SLC30A7: variants seen among roughly 807,000 people sequenced by gnomAD.
SLC30A7 encodes solute carrier family 30 member 7, also known as zinc transporter 7.
In SLC30A7, 35 loss-of-function variants were observed where a neutral mutation model predicts 46.0. The observed-to-expected ratio is 0.76, with a 90% CI of 0.58 to 1.01. The LOEUF (loss-of-function observed/expected upper bound fraction) is 1.01, where lower values mean the gene tolerates loss of function less well. Ranked by LOEUF, SLC30A7 falls within the 50% of genes least tolerant of loss-of-function variation. SLC30A7 has a pLI of 0.00. For synonymous variants in SLC30A7, 147 were observed against 157.8 expected, an observed-to-expected ratio of 0.93 and a Z score of 0.51; for missense variants, 464 against 451.1, an observed-to-expected ratio of 1.03 and a Z score of -0.26.
At position 100,974,936 on chromosome 1, in the gene SLC30A7, T is replaced by C. The variant is rs1656378572; in HGVS notation, c.*79T>C. The stretch of plus-strand genomic sequence containing the variant: ...CGATCCAAAACATTGTACCCAGCTT[T>C]TTAAAAGAGAGAAATTATCACTACA... On this transcript the variant is annotated 3_prime_UTR_variant, in exon 11 of 11. Coordinates refer to ENST00000357650, the MANE Select transcript of SLC30A7 (RefSeq NM_133496.5). 1.7e-6 allele frequency: 2 copies of C among 1,211,962 alleles called. No homozygotes were observed. The allele number at this position is 1,211,962 out of a possible 1,614,324, so 75.1% of individuals were successfully genotyped here. A position where few individuals can be genotyped will look rare whatever the true frequency, so the allele number is the denominator to read the frequency against.
At chr1:100,948,769 T>G (rs903031410) in intron 8 of SLC30A7, among the ~76,000 whole-genome samples, 2 of 152,182 alleles carry the variant, frequency 1.3e-5, no homozygotes, top group African/African-American at 4.8e-5. Flanking sequence ...CTTGTCTTCT[T>G]GCTTTATTTC....
At chr1:100,904,658 C>G (rs190888559) in intron 2 of SLC30A7, among the ~76,000 whole-genome samples, 1 of 152,182 alleles carries the variant, frequency 6.6e-6, no homozygotes, top group Non-Finnish European at 1.5e-5. Context: ...CCTTGTCTGT[C>G]AGACCACTAG....
At chr1:100,954,979 A>G (rs1240401986) in intron 8 of SLC30A7, among the ~76,000 whole-genome samples, 1 of 152,034 alleles carries the variant, frequency 6.6e-6, no homozygotes, top group Non-Finnish European at 1.5e-5. Context: ...TGTAGATTGT[A>G]AGAACCCCTA....
the SLC30A7 span, chr1:100,992,758 G>C: frequency 6.4e-7 from 1 of 1,560,768 alleles, no homozygotes; most frequent in South Asian, 1.1e-5. Flanking sequence ...CAGAAAACTA[G>C]ATGCCACTGT....
At chr1:100,918,033 T>G in intron 6 of SLC30A7, 44 bp from the exon 7 acceptor site, 1 of 1,524,512 alleles carries the variant, frequency 6.6e-7, no homozygotes. Context: ...AAAACTTGAA[T>G]GAGGAATTGA....
chr1:100,959,790 A>G (rs1655435382), intron 8 of SLC30A7, among the ~76,000 whole-genome samples: 1 of 152,200 alleles, frequency 6.6e-6, no homozygotes, highest in African/African-American at 2.4e-5. Context: ...AACTTTACAT[A>G]GGGCATGAAT....
chr1:100,901,944 A>C (rs1476642009), intron 2 of SLC30A7, among the ~76,000 whole-genome samples: 2 of 137,958 alleles, frequency 1.4e-5, no homozygotes, highest in East Asian at 4.3e-4. Context: ...TGCTACCTTT[A>C]TTTTTTAAGG....
intron 8 of SLC30A7, among the ~76,000 whole-genome samples, chr1:100,925,214 T>TGGTAA (rs1452416357): frequency 6.6e-6 from 1 of 152,218 alleles, no homozygotes; most frequent in Non-Finnish European, 1.5e-5. Flanking sequence ...AAAAGCCTTG[T>TGGTAA]GGTAAAAGCA....
At chr1:100,970,344 T>C (rs1205495487) in intron 10 of SLC30A7, among the ~76,000 whole-genome samples, 1 of 152,148 alleles carries the variant, frequency 6.6e-6, no homozygotes, top group Non-Finnish European at 1.5e-5. Flanking sequence ...GAATTATAAC[T>C]TTCTATTTGG....
chr1:100,903,726 G>A (rs116765800), intron 2 of SLC30A7, among the ~76,000 whole-genome samples: 1 of 151,956 alleles, frequency 6.6e-6, no homozygotes, highest in Admixed American at 6.6e-5. Context: ...ATAAATTATT[G>A]TGCTTTTTCT....
chr1:100,941,053 G>T, intron 8 of SLC30A7: 1 of 326,588 alleles, frequency 3.1e-6, no homozygotes, highest in South Asian at 3.1e-5. Context: ...GCAGCTATTG[G>T]AACTGCCACA....
intron 6 of SLC30A7, among the ~76,000 whole-genome samples, chr1:100,916,379 G>A (rs2101025400): frequency 6.6e-6 from 1 of 152,142 alleles, no homozygotes; most frequent in South Asian, 2.1e-4. Context: ...TAGAGACGAG[G>A]TTTCACCGTG....
chr1:100,940,997 CT>C, intron 8 of SLC30A7: 1 of 366,870 alleles, frequency 2.7e-6, no homozygotes, highest in African/African-American at 2.1e-5. Context: ...TCCTGCTAAA[CT>C]TTATTTCCTA....
chr1:100,915,176 T>C (rs995975485), intron 6 of SLC30A7, among the ~76,000 whole-genome samples: 25 of 83,768 alleles, frequency 3.0e-4, no homozygotes, highest in African/African-American at 7.1e-4. Flanking sequence ...CTTTTCTTTT[T>C]TCTTTTCTTT....
At chr1:100,916,180 ATTAT>A (rs954806242) in intron 6 of SLC30A7, among the ~76,000 whole-genome samples, 30 of 150,386 alleles carry the variant, frequency 2.0e-4, no homozygotes, top group African/African-American at 7.1e-4. Context: ...GTATATTCTT[ATTAT>A]TTATTTATTT....
At chr1:100,947,204 T>C (rs575795209) in intron 8 of SLC30A7, among the ~76,000 whole-genome samples, 14 of 152,320 alleles carry the variant, frequency 9.2e-5, no homozygotes, top group African/African-American at 3.1e-4. Flanking sequence ...AGTGCTATAA[T>C]TTTCCCACTG....
chr1:100,900,880 A>G (rs1651264063), intron 2 of SLC30A7, among the ~76,000 whole-genome samples: 1 of 152,216 alleles, frequency 6.6e-6, no homozygotes, highest in Non-Finnish European at 1.5e-5. Context: ...CTTAGTTACC[A>G]ATAGACCTTT....
rs1021351603 is a variant in SLC30A7 at position 100,912,131 on chromosome 1, A to C, written c.404A>C (p.Asp135Ala). 2 of 1,613,656 alleles carry C rather than the reference A, an allele frequency of 1.2e-6. No individual in the cohort carries two copies. The highest frequency in any genetic ancestry group is 1.7e-6 in the Non-Finnish European group (2 of 1,179,734). The change falls in exon 5 of 11, where the codon GAT becomes GCT. Residue 135 changes from aspartate to alanine, a missense_variant. Physicochemically the swap from Asp to Ala is moderately radical, Grantham distance 126. Transcript: ENST00000357650. ...TTCTAGAGAGCATTAGCCCCTCCAGATGTCCACCATGAGAGACTGCTTCTT... is the reference window on the plus strand; with the variant it reads ...TTCTAGAGAGCATTAGCCCCTCCAGCTGTCCACCATGAGAGACTGCTTCTT... Reference protein sequence around the residue: ...EGVERALAPPDVHHERLLLVS... With the variant: ...EGVERALAPPAVHHERLLLVS...
chr1:100,951,621 G>T (rs1654957842), intron 8 of SLC30A7, among the ~76,000 whole-genome samples: 1 of 152,140 alleles, frequency 6.6e-6, no homozygotes, highest in African/African-American at 2.4e-5. Flanking sequence ...GGTAACTGCT[G>T]TGCCTTTGTT....
Sources: gnomAD v4.1 joint callset for allele counts (sites outside exome capture counted in the v4.1 genomes callset) on GRCh38, gnomAD v4.1.1 for gene constraint, MANE v1.5 for transcripts, NCBI Gene and HGNC (gene_info 2026-07-23, HGNC 2026-07-21) for gene names.